TMEM131: variants seen among roughly 807,000 people sequenced by gnomAD.
TMEM131 encodes the protein 2610524E03Rik.
A neutral mutation model predicts 211.6 loss-of-function variants in TMEM131; 66 were observed. That is an observed-to-expected ratio of 0.31 (90% CI 0.26 to 0.38). The LOEUF is 0.38. Among genes scored for constraint, TMEM131 ranks in the 10% least tolerant of loss-of-function variants. TMEM131 has a pLI of 1.00. For missense variants in TMEM131, 2,036 were observed against 2,299.3 expected, an observed-to-expected ratio of 0.89 and a Z score of 2.34; for synonymous variants, 844 against 841.3, an observed-to-expected ratio of 1.00 and a Z score of -0.06.
chr2:97,760,411 G>T, intron 38 of TMEM131, 182 bp downstream of exon 38: 1 of 627,946 alleles, frequency 1.6e-6, no homozygotes, highest in Non-Finnish European at 2.8e-6. Context: ...GGAAGGCACC[G>T]CAGCCGGCTT....
chr2:97,865,215 C>T (rs532143594), intron 4 of TMEM131, among the ~76,000 whole-genome samples: 18 of 152,330 alleles, frequency 1.2e-4, no homozygotes, highest in Admixed American at 1.2e-3. Context: ...AGTTCACACA[C>T]CCAAGTAACA....
At chr2:97,911,640 T>G (rs928362908) in intron 2 of TMEM131, 14 of 985,122 alleles carry the variant, frequency 1.4e-5, no homozygotes, top group African/African-American at 1.7e-5. Flanking sequence ...AGCTGTCTTG[T>G]GAAAGATAAG....
At chr2:97,934,670 A>T (rs1231547236) in intron 1 of TMEM131, among the ~76,000 whole-genome samples, 1 of 152,186 alleles carries the variant, frequency 6.6e-6, no homozygotes, top group African/African-American at 2.4e-5. Flanking sequence ...ATAGACACAT[A>T]AATCACTTGC....
intron 35 of TMEM131, among the ~76,000 whole-genome samples, chr2:97,765,504 G>A (rs1189812955): frequency 1.3e-5 from 2 of 152,206 alleles, no homozygotes; most frequent in African/African-American, 4.8e-5. Context: ...CCTGCTGTCA[G>A]CTGCTCCCTT....
intron 11 of TMEM131, among the ~76,000 whole-genome samples, chr2:97,819,822 G>A (rs1407027649): frequency 6.6e-6 from 1 of 152,176 alleles, no homozygotes; most frequent in Non-Finnish European, 1.5e-5. Context: ...GATCCAGCAA[G>A]TCACTATGTT....
At chr2:97,899,771 G>A (rs1675772020) in intron 3 of TMEM131, among the ~76,000 whole-genome samples, 1 of 152,020 alleles carries the variant, frequency 6.6e-6, no homozygotes, top group African/African-American at 2.4e-5. Flanking sequence ...TTCCCTATTT[G>A]ACAAGTGAAA....
chr2:97,758,867 C>T (rs777587416), intron 40 of TMEM131, 26 bp downstream of exon 40: 1 of 1,586,076 alleles, frequency 6.3e-7, no homozygotes, highest in African/African-American at 1.3e-5. Context: ...CAGGTCCAGG[C>T]CCCAGCCCCA....
At chr2:97,990,982 T>C (rs1680237968) in intron 1 of TMEM131, among the ~76,000 whole-genome samples, 1 of 152,204 alleles carries the variant, frequency 6.6e-6, no homozygotes, top group Non-Finnish European at 1.5e-5. Context: ...GACTATGAAA[T>C]TTAAATTGTC....
chr2:97,802,794 G>T lies in TMEM131; in HGVS notation c.2403-4C>A. 6.5e-7 allele frequency: 1 copy of T among 1,534,598 alleles called. No homozygotes were observed. The highest frequency in any genetic ancestry group is 1.2e-5 in the South Asian group (1 of 80,270). On this transcript the variant is annotated splice_region_variant and splice_polypyrimidine_tract_variant and intron_variant, in intron 22 of 40. Transcript: ENST00000186436. ...TACTTCAAATATAGCACTCAATCTAGAAAAACAATTTGTAAGTCACTGTAT... is the reference window on the plus strand; with the variant it reads ...TACTTCAAATATAGCACTCAATCTATAAAAACAATTTGTAAGTCACTGTAT...
intron 14 of TMEM131, 22 bp downstream of exon 14, chr2:97,814,213 G>A: frequency 6.2e-7 from 1 of 1,611,160 alleles, no homozygotes; most frequent in Non-Finnish European, 8.5e-7. Context: ...AAAATTAAAA[G>A]TATGAGGGCT....
intron 1 of TMEM131, among the ~76,000 whole-genome samples, chr2:97,978,991 T>G (rs1002610065): frequency 1.3e-5 from 2 of 152,212 alleles, no homozygotes; most frequent in Admixed American, 1.3e-4. Flanking sequence ...GGCTGCAGAA[T>G]GGATGCTGTG....
intron 1 of TMEM131, among the ~76,000 whole-genome samples, chr2:97,945,997 A>G (rs1263580457): frequency 6.6e-6 from 1 of 152,146 alleles, no homozygotes; most frequent in Non-Finnish European, 1.5e-5. Flanking sequence ...CTGTGACTAC[A>G]GTGGTATTAT....
chr2:97,839,492 C>CT (rs1174657031), intron 7 of TMEM131, among the ~76,000 whole-genome samples: 9 of 152,138 alleles, frequency 5.9e-5, no homozygotes, highest in African/African-American at 2.2e-4. Flanking sequence ...CTGACACATT[C>CT]TTTATTTTTA....
At chr2:97,969,683 C>A (rs1275715738) in intron 1 of TMEM131, among the ~76,000 whole-genome samples, 2 of 152,158 alleles carry the variant, frequency 1.3e-5, no homozygotes, top group Non-Finnish European at 2.9e-5. Flanking sequence ...CATCACTGTA[C>A]ACAAACTGCT....
Position 97,762,064 on chromosome 2 carries a change from G to A in TMEM131, c.4860C>T (p.Tyr1620=). The A allele has an allele frequency of 3.8e-6, 6 of 1,592,482 alleles. No homozygotes were observed. The highest frequency in any genetic ancestry group is 5.1e-6 in the Non-Finnish European group (6 of 1,172,596). Residue 1620 remains tyrosine (Y), a synonymous_variant, in exon 36 of 41, where the codon TAC becomes TAT. Transcript: ENST00000186436. ...APCPFVARGS[Y]SSIVNSSSSS... ...TGGAGCTGCTGTTGACGATGCTGCT[G>A]TAGCTGCCCCGGGCCACAAAGGGGC...
At position 97,796,662 on chromosome 2, in the gene TMEM131, T is replaced by C. The variant is rs561589146; in HGVS notation, c.3013+182A>G. On this transcript the variant is annotated intron_variant, in intron 27 of 40. Transcript: ENST00000186436. ...TAAGGTATGCAATGAGTGCAAACAC[T>C]TTAAATCTTTTAAGATCCAAATCAA... 5.1e-4 allele frequency among the ~76,000 whole-genome samples: 78 copies of C among 152,346 alleles called. 1 individual carries two copies. Among genetic ancestry groups the C allele is most frequent in the African/African-American group, 1.8e-3 (74 of 41,584 alleles).
chr2:97,777,526 T>C (rs908955233), intron 31 of TMEM131, among the ~76,000 whole-genome samples: 1 of 152,234 alleles, frequency 6.6e-6, no homozygotes, highest in African/African-American at 2.4e-5. Flanking sequence ...ACAGAGATAG[T>C]CTGTGGCCCA....
intron 3 of TMEM131, among the ~76,000 whole-genome samples, chr2:97,894,869 T>G (rs147501854): frequency 2.0e-5 from 3 of 152,178 alleles, no homozygotes; most frequent in African/African-American, 7.2e-5. Flanking sequence ...TATTTCTTTC[T>G]CTTGCCTGAC....
chr2:97,843,646 C>T (rs1370696689), intron 6 of TMEM131, among the ~76,000 whole-genome samples: 1 of 152,086 alleles, frequency 6.6e-6, no homozygotes, highest in Non-Finnish European at 1.5e-5. Flanking sequence ...AGCCTTAGTC[C>T]TGACATATAA....
Sources: gnomAD v4.1 joint callset for allele counts (sites outside exome capture counted in the v4.1 genomes callset) on GRCh38, gnomAD v4.1.1 for gene constraint, MANE v1.5 for transcripts, NCBI Gene and HGNC (gene_info 2026-07-23, HGNC 2026-07-21) for gene names.